Variants in RCL1 observed in about 807,000 individuals in gnomAD.
RCL1 encodes RNA 3'-terminal phosphate cyclase-like protein.
A neutral mutation model predicts 42.4 loss-of-function variants in RCL1; 24 were observed. That is an observed-to-expected ratio of 0.57 (90% CI 0.41 to 0.80). RCL1 has a LOEUF of 0.80. Ranked by LOEUF, RCL1 falls within the 30% of genes least tolerant of loss-of-function variation. The pLI is 0.00. For missense variants in RCL1, 578 were observed against 467.9 expected, an observed-to-expected ratio of 1.24 and a Z score of -2.17; for synonymous variants, 228 against 177.3, an observed-to-expected ratio of 1.29 and a Z score of -2.27.
At position 4,860,426 on chromosome 9, in the gene RCL1, A is replaced by G. The variant is rs536003701; in HGVS notation, c.*151A>G. The G allele has an allele frequency of 1.2e-6, 1 of 831,962 alleles. No homozygotes were observed. Among genetic ancestry groups the G allele is most frequent in the Non-Finnish European group, 1.8e-6 (1 of 561,034 alleles). 51.5% of individuals were successfully genotyped at this position (831,962 alleles called of 1,614,324 possible). A position where few individuals can be genotyped will look rare whatever the true frequency, so the allele number is the denominator to read the frequency against. On this transcript the variant is annotated 3_prime_UTR_variant, in exon 9 of 9. Transcript: ENST00000381750. ...AAATATCAATATACAAATAAAAGAC[A>G]TCCCTGTAGCATATGGTTTCCAGCT...
intron 1 of RCL1, among the ~76,000 whole-genome samples, chr9:4,821,656 C>G (rs1290595285): frequency 6.7e-6 from 1 of 150,272 alleles, no homozygotes; most frequent in South Asian, 2.1e-4. Flanking sequence ...TTTTTTTTTT[C>G]CCCCCAGAGA....
chr9:4,797,498 T>G (rs1302181250), intron 1 of RCL1, among the ~76,000 whole-genome samples: 2 of 152,154 alleles, frequency 1.3e-5, no homozygotes, highest in African/African-American at 4.8e-5. Flanking sequence ...GGGGGACATT[T>G]GGGAGCATTT....
intron 1 of RCL1, among the ~76,000 whole-genome samples, chr9:4,798,070 T>C (rs927192927): frequency 6.6e-6 from 1 of 152,204 alleles, no homozygotes; most frequent in Non-Finnish European, 1.5e-5. Context: ...TTAGGTAAGA[T>C]AGTTGGTGAA....
intron 1 of RCL1, among the ~76,000 whole-genome samples, chr9:4,809,546 G>A (rs189350708): frequency 1.1e-4 from 17 of 152,296 alleles, no homozygotes; most frequent in African/African-American, 4.1e-4. Context: ...CTGACCTTGT[G>A]ATTCGCCCGC....
intron 8 of RCL1, among the ~76,000 whole-genome samples, chr9:4,857,931 CT>C (rs34470773): frequency 0.28 from 29,168 of 102,346 alleles, 4,000 homozygotes; most frequent in South Asian, 0.45. Context: ...AGCTCTCCCA[CT>C]TTTTTTTTTT....
At chr9:4,824,613 T>C (rs1012382244) in intron 2 of RCL1, among the ~76,000 whole-genome samples, 9 of 152,220 alleles carry the variant, frequency 5.9e-5, no homozygotes, top group African/African-American at 2.2e-4. Flanking sequence ...ATCCGTTGGC[T>C]GACTCCATTA....
intron 8 of RCL1, among the ~76,000 whole-genome samples, chr9:4,852,626 T>G (rs754411690): frequency 9.9e-5 from 15 of 152,168 alleles, no homozygotes; most frequent in Non-Finnish European, 1.2e-4. Context: ...AGTCCTGGAC[T>G]TGTGGAGATG....
intron 2 of RCL1, among the ~76,000 whole-genome samples, chr9:4,824,724 A>G (rs1018486334): frequency 6.6e-6 from 1 of 152,178 alleles, no homozygotes; most frequent in Admixed American, 6.5e-5. Context: ...GTCCTATACC[A>G]CATGAGATAT....
At position 4,826,907 on chromosome 9, in the gene RCL1, A is replaced by G. The variant is rs1026666518; in HGVS notation, c.258A>G (p.Glu86=). The part of the protein sequence containing the change: ...QPGLLYGGSV[E]HDCSVLRGIG... Reference sequence around the variant, plus strand: ...GCCTCCTGTATGGTGGATCTGTGGAACATGACTGTAGCGTCCTTCGTGGCA... The same window carrying G: ...GCCTCCTGTATGGTGGATCTGTGGAGCATGACTGTAGCGTCCTTCGTGGCA... The change falls in exon 3 of 9, where the codon GAA becomes GAG. Residue 86 remains glutamate (E), a synonymous_variant. Transcript: ENST00000381750. 1.9e-6 allele frequency: 3 copies of G among 1,614,048 alleles called. No individual in the cohort carries two copies. Among genetic ancestry groups the G allele is most frequent in the African/African-American group, 2.7e-5 (2 of 74,920 alleles).
intron 8 of RCL1, among the ~76,000 whole-genome samples, chr9:4,853,010 C>T (rs1563859818): frequency 6.6e-6 from 1 of 152,106 alleles, no homozygotes; most frequent in Non-Finnish European, 1.5e-5. Flanking sequence ...CTGACTTCCC[C>T]TAGTCACATT....
At chr9:4,832,448 TA>T (rs1238094679) in intron 3 of RCL1, among the ~76,000 whole-genome samples, 1 of 152,224 alleles carries the variant, frequency 6.6e-6, no homozygotes, top group Admixed American at 6.5e-5. Flanking sequence ...AAACATTAAA[TA>T]ACCCTACTGG....
intron 3 of RCL1, 59 bp downstream of exon 3, chr9:4,827,092 C>T (rs754245256): frequency 8.1e-6 from 13 of 1,609,506 alleles, no homozygotes; most frequent in Non-Finnish European, 8.5e-6. Flanking sequence ...CACAACCCAA[C>T]TTGTGAGAAA....
At chr9:4,796,353 T>A (rs1490449442) in intron 1 of RCL1, among the ~76,000 whole-genome samples, 1 of 152,198 alleles carries the variant, frequency 6.6e-6, no homozygotes, top group East Asian at 1.9e-4. Context: ...TGTTTCTGAA[T>A]TAGTTCTCTT....
At chr9:4,801,674 A>G (rs1420575276) in intron 1 of RCL1, among the ~76,000 whole-genome samples, 1 of 149,926 alleles carries the variant, frequency 6.7e-6, no homozygotes, top group Non-Finnish European at 1.5e-5. Flanking sequence ...GTTAAGTCTA[A>G]GAACTCTTTG....
In RCL1 at chr9:4,841,296, A is replaced by C. The variant is rs1476771115; in HGVS notation, c.649A>C (p.Asn217His). Residue 217 changes from asparagine to histidine, a missense_variant, in exon 6 of 9, where the codon AAC becomes CAC. Physicochemically the swap from Asn to His is moderately conservative, Grantham distance 68. Coordinates refer to ENST00000381750, the MANE Select transcript of RCL1 (RefSeq NM_005772.5). Reference protein sequence around the residue: ...RIVDSARSILNKFIPDIYIYT... With the variant: ...RIVDSARSILHKFIPDIYIYT... ...TGTGGATTCTGCAAGGAGCATCCTC[A>C]ACAAGTTCATACCTGATATCTATAT... is the stretch of plus-strand genomic sequence containing the variant. 1 of 1,613,268 alleles carries C rather than the reference A, an allele frequency of 6.2e-7. No homozygotes were observed.
chr9:4,828,289 A>T (rs1176775772), intron 3 of RCL1, among the ~76,000 whole-genome samples: 3 of 152,024 alleles, frequency 2.0e-5, no homozygotes, highest in African/African-American at 7.2e-5. Context: ...AATGTGAATT[A>T]TGTAGCTTTT....
At chr9:4,807,022 T>C (rs1338295601) in intron 1 of RCL1, among the ~76,000 whole-genome samples, 3 of 152,196 alleles carry the variant, frequency 2.0e-5, no homozygotes, top group East Asian at 3.8e-4. Flanking sequence ...GTTGAATTAA[T>C]ATGTGTAGAG....
intron 7 of RCL1, among the ~76,000 whole-genome samples, chr9:4,847,128 C>G (rs930837791): frequency 1.3e-5 from 2 of 152,152 alleles, no homozygotes; most frequent in African/African-American, 2.4e-5. Context: ...TTCCACCCGC[C>G]TCGGCCTCCC....
chr9:4,827,828 C>T (rs1443378983), intron 3 of RCL1, among the ~76,000 whole-genome samples: 2 of 150,970 alleles, frequency 1.3e-5, no homozygotes, highest in African/African-American at 2.4e-5. Flanking sequence ...TCCAGGCCTC[C>T]CTCCCTTGTA....
Sources: allele counts gnomAD v4.1 joint callset (sites outside exome capture counted in the v4.1 genomes callset), GRCh38; gene constraint gnomAD v4.1.1; transcripts MANE v1.5; gene names NCBI Gene and HGNC (gene_info 2026-07-23, HGNC 2026-07-21).